The following ADAMTSL3 variants were observed in gnomAD, a reference collection of about 807,000 sequenced individuals.
The protein encoded by ADAMTSL3 is ADAMTS-like protein 3.
Under a neutral mutation model 201.7 loss-of-function variants are expected in ADAMTSL3, and 128 were observed. That is an observed-to-expected ratio of 0.63 (90% CI 0.55 to 0.73). The LOEUF (loss-of-function observed/expected upper bound fraction) is 0.73. ADAMTSL3 is among the 30% of genes least tolerant of loss of function. ADAMTSL3 has a pLI of 0.00. For missense variants in ADAMTSL3, 1,990 were observed against 2,119.6 expected, an observed-to-expected ratio of 0.94 and a Z score of 1.20; for synonymous variants, 738 against 748.4, an observed-to-expected ratio of 0.99 and a Z score of 0.23.
chr15:83,766,776 A>G (rs2062898727), intron 3 of ADAMTSL3, among the ~76,000 whole-genome samples: 1 of 152,362 alleles, frequency 6.6e-6, no homozygotes, highest in South Asian at 2.1e-4. Flanking sequence ...GTAAAATTAT[A>G]CACGTTCATT....
chr15:83,717,995 A>T (rs1173213777), intron 3 of ADAMTSL3, among the ~76,000 whole-genome samples: 1 of 152,194 alleles, frequency 6.6e-6, no homozygotes, highest in African/African-American at 2.4e-5. Context: ...TATTCTTGAT[A>T]TGGGAAAAAG....
intron 9 of ADAMTSL3, among the ~76,000 whole-genome samples, chr15:83,877,477 G>A (rs539711812): frequency 1.3e-5 from 2 of 152,172 alleles, no homozygotes; most frequent in South Asian, 2.1e-4. Context: ...TTGTTTATTT[G>A]TGCCAATACC....
intron 19 of ADAMTSL3, among the ~76,000 whole-genome samples, chr15:83,959,012 T>C (rs953684051): frequency 3.3e-5 from 5 of 152,036 alleles, no homozygotes; most frequent in African/African-American, 1.2e-4. Flanking sequence ...TCAATGAATA[T>C]AGAGTCCCAG....
intron 20 of ADAMTSL3, among the ~76,000 whole-genome samples, chr15:83,972,937 C>A (rs949390150): frequency 6.6e-5 from 10 of 152,148 alleles, no homozygotes; most frequent in African/African-American, 2.4e-4. Context: ...CTCTCTACAC[C>A]GTTTCCCTGC....
intron 12 of ADAMTSL3, among the ~76,000 whole-genome samples, chr15:83,892,258 A>AC (rs1464809670): frequency 6.9e-6 from 1 of 145,654 alleles, no homozygotes; most frequent in Non-Finnish European, 1.5e-5. Context: ...AAGGCTGGGC[A>AC]CAGTGGCTCA....
chr15:83,717,631 A>G (rs2062038090), intron 3 of ADAMTSL3: 1 of 152,232 alleles, frequency 6.6e-6, no homozygotes, highest in Non-Finnish European at 1.5e-5. Context: ...CTTTGGGATC[A>G]TGCAAATATT....
intron 3 of ADAMTSL3, among the ~76,000 whole-genome samples, chr15:83,768,541 AAGAG>A (rs1396993818): frequency 6.6e-6 from 1 of 152,112 alleles, no homozygotes; most frequent in Non-Finnish European, 1.5e-5. Flanking sequence ...GATGTGCGCC[AAGAG>A]AGAGCATAGT....
intron 3 of ADAMTSL3, among the ~76,000 whole-genome samples, chr15:83,727,054 T>C (rs2585053): frequency 0.2 from 30,424 of 151,880 alleles, 3,981 homozygotes; most frequent in Middle Eastern, 0.36. Context: ...CTTTTAATTA[T>C]GGCTTCAATC....
chr15:83,885,207 G>C lies in ADAMTSL3; in HGVS notation c.1067G>C (p.Gly356Ala). Residue 356 changes from glycine to alanine, a missense_variant, in exon 10 of 30, where the codon GGA becomes GCA. By Grantham distance (60) the Gly-to-Ala change is moderately conservative (BLOSUM62 0). Coordinates refer to ENST00000286744, the MANE Select transcript of ADAMTSL3 (RefSeq NM_207517.3). ...TDFFPCTVTC[G>A]GGYQLNSAEC... is the part of the protein sequence containing the mutation. ...TTCTTTCCCTGCACTGTGACGTGTG[G>C]AGGAGGTGAGGCCCAGGCTTTGTTC... 1 of 1,606,500 alleles carries C rather than the reference G, an allele frequency of 6.2e-7. No homozygotes were observed. Among genetic ancestry groups the C allele is most frequent in the Non-Finnish European group, 8.5e-7 (1 of 1,173,266 alleles).
chr15:83,655,765 G>T lies in ADAMTSL3; in HGVS notation c.4G>T (p.Ala2Ser). The T allele has an allele frequency of 1.2e-6, 2 of 1,614,096 alleles. No homozygotes were observed. The highest frequency in any genetic ancestry group is 1.7e-6 in the Non-Finnish European group (2 of 1,180,000). ...GACCCGGAGGAGACTAGACCCCATG[G>T]CTTCCTGGACGAGCCCCTGGTGGGT... M[A>S]SWTSPWWVLI... The change falls in exon 2 of 30, where the codon GCT becomes TCT. Residue 2 changes from alanine (A) to serine (S), a missense_variant. Coordinates refer to ENST00000286744, the MANE Select transcript of ADAMTSL3 (RefSeq NM_207517.3).
At chr15:83,980,938 T>C (rs1316272256) in intron 20 of ADAMTSL3, among the ~76,000 whole-genome samples, 1 of 152,212 alleles carries the variant, frequency 6.6e-6, no homozygotes, top group African/African-American at 2.4e-5. Flanking sequence ...AAGAGAAGTC[T>C]CAATCTGCTT....
chr15:83,861,678 C>T (rs1405771606), intron 8 of ADAMTSL3: 1 of 152,202 alleles, frequency 6.6e-6, no homozygotes, highest in Non-Finnish European at 1.5e-5. Flanking sequence ...GGGGAAAAAA[C>T]AGGAGAAAAA....
intron 3 of ADAMTSL3, among the ~76,000 whole-genome samples, chr15:83,733,943 G>A (rs1255922298): frequency 6.6e-6 from 1 of 152,148 alleles, no homozygotes; most frequent in Non-Finnish European, 1.5e-5. Context: ...TAGACATCTG[G>A]AGTGGCGTAT....
At chr15:84,025,477 C>T in intron 27 of ADAMTSL3, 41 bp downstream of exon 27, 2 of 1,556,658 alleles carry the variant, frequency 1.3e-6, no homozygotes, top group Non-Finnish European at 1.8e-6. Flanking sequence ...CACTATCTGT[C>T]CACACAGATA....
At chr15:83,894,823 A>G (rs1416809363) in intron 13 of ADAMTSL3, among the ~76,000 whole-genome samples, 1 of 152,008 alleles carries the variant, frequency 6.6e-6, no homozygotes, top group Non-Finnish European at 1.5e-5. Context: ...AATAACATAT[A>G]TATATATATA....
chr15:83,921,285 T>A (rs374040646), intron 16 of ADAMTSL3, among the ~76,000 whole-genome samples: 2 of 152,190 alleles, frequency 1.3e-5, no homozygotes, highest in African/African-American at 4.8e-5. Flanking sequence ...TTTCCTAGAC[T>A]AATAGAGGAT....
At chr15:84,023,627 G>A (rs1328317453) in intron 26 of ADAMTSL3, among the ~76,000 whole-genome samples, 1 of 152,222 alleles carries the variant, frequency 6.6e-6, no homozygotes, top group Admixed American at 6.5e-5. Context: ...TGAGAAAGCT[G>A]TTTTATGGCA....
At chr15:84,027,017 G>A (rs1346291114) in intron 27 of ADAMTSL3, among the ~76,000 whole-genome samples, 1 of 152,132 alleles carries the variant, frequency 6.6e-6, no homozygotes, top group East Asian at 1.9e-4. Context: ...CTTAAAAATT[G>A]TATATCAAAA....
intron 2 of ADAMTSL3, among the ~76,000 whole-genome samples, chr15:83,704,133 G>C (rs554206942): frequency 1.6e-3 from 242 of 152,288 alleles, no homozygotes; most frequent in African/African-American, 5.5e-3. Flanking sequence ...TAGCGGGGAG[G>C]GGGAGAGAGG....
Sources: gnomAD v4.1 joint callset for allele counts (sites outside exome capture counted in the v4.1 genomes callset) on GRCh38, gnomAD v4.1.1 for gene constraint, MANE v1.5 for transcripts, NCBI Gene and HGNC (gene_info 2026-07-23, HGNC 2026-07-21) for gene names.